DMD: variants seen among roughly 807,000 people sequenced by gnomAD.
DMD encodes dystrophin, also known as mutant dystrophin.
Under a neutral mutation model 330.1 loss-of-function variants are expected in DMD, and 63 were observed. The ratio of observed to expected loss-of-function variants is 0.19; its 90% CI spans 0.16 to 0.24. The LOEUF (loss-of-function observed/expected upper bound fraction) is 0.24. Among genes scored for constraint, DMD ranks in the 10% least tolerant of loss-of-function variants. The pLI is 1.00. For synonymous variants in DMD, 1,223 were observed against 959.8 expected, an observed-to-expected ratio of 1.27 and a Z score of -5.07; for missense variants, 3,344 against 2,684.1, an observed-to-expected ratio of 1.25 and a Z score of -5.43.
Position 32,448,391 on chromosome X carries a change from C to T in DMD, c.3786+65G>A. 8 of 1,142,340 alleles carry T rather than the reference C, an allele frequency of 7.0e-6. No homozygotes were observed. In the Admixed American group the frequency reaches 1.8e-4, roughly 25 times the overall value. 94.1% of individuals were successfully genotyped at this position (1,142,340 alleles called of 1,213,427 possible). On this transcript the variant is annotated intron_variant, in intron 27 of 78. Coordinates refer to ENST00000357033, the MANE Select transcript of DMD (RefSeq NM_004006.3). ...TTGCACTGGTATCCATGTTCTTAAC[C>T]ACTATGCCTCACATATGACCATGTA...
At chrX:32,302,843 A>G (rs1185250206) in intron 42 of DMD, among the ~76,000 whole-genome samples, 1 of 111,045 alleles carries the variant, frequency 9.0e-6, no homozygotes, top group Non-Finnish European at 1.9e-5. Flanking sequence ...GGCAGTTATT[A>G]TCACTGATTT....
intron 44 of DMD, among the ~76,000 whole-genome samples, chrX:32,015,992 C>T (rs937506864): frequency 8.9e-6 from 1 of 111,792 alleles, no homozygotes; most frequent in Non-Finnish European, 1.9e-5. Context: ...CCAACCCTCC[C>T]GCTGGCCTGA....
At chrX:32,517,931 G>A in intron 18 of DMD, 77 bp downstream of exon 18, 1 of 1,031,415 alleles carries the variant, frequency 9.7e-7, no homozygotes, top group Non-Finnish European at 1.4e-6. Flanking sequence ...TCAACTAGTA[G>A]AATCACAGAT....
At chrX:33,053,575 G>A (rs1036289228) in intron 1 of DMD, among the ~76,000 whole-genome samples, 4 of 109,836 alleles carry the variant, frequency 3.6e-5, no homozygotes, top group Non-Finnish European at 5.7e-5. Context: ...CAGCCTGGGT[G>A]ACAGAGCAAG....
At chrX:31,720,721 T>C (rs73617102) in intron 52 of DMD, among the ~76,000 whole-genome samples, 19,669 of 110,919 alleles carry the variant, frequency 0.18, 1,351 homozygotes, top group Middle Eastern at 0.25. Context: ...AACCCAGATC[T>C]TTCCCCTTAA....
rs147771206 is a variant in DMD at position 31,434,715 on chromosome X, C to T, written c.9084+9766G>A. Among the ~76,000 whole-genome samples, 982 of 111,181 alleles carry T rather than the reference C, an allele frequency of 8.8e-3. 9 individuals are homozygous for T. The highest frequency in any genetic ancestry group is 0.03 in the African/African-American group (919 of 30,612). On this transcript the variant is annotated intron_variant, in intron 60 of 78. Transcript: ENST00000357033. The stretch of plus-strand genomic sequence containing the variant: ...GATTGAACAAAGGAGGATTTCCGTT[C>T]ACTTCAGCAAGACTTTGATGATTCA...
intron 67 of DMD, among the ~76,000 whole-genome samples, chrX:31,186,162 G>GT (rs1274749346): frequency 1.8e-5 from 2 of 111,941 alleles, no homozygotes; most frequent in Admixed American, 9.5e-5. Flanking sequence ...ATAATAAACT[G>GT]TTTAACTTTG....
chrX:31,149,756 T>C (rs2037168674), intron 74 of DMD, among the ~76,000 whole-genome samples: 1 of 112,083 alleles, frequency 8.9e-6, no homozygotes, highest in Non-Finnish European at 1.9e-5. Flanking sequence ...ATACCAAAAG[T>C]TTTTATATAC....
chrX:31,785,497 C>T (rs955453079), intron 50 of DMD, among the ~76,000 whole-genome samples: 2 of 111,691 alleles, frequency 1.8e-5, no homozygotes, highest in Non-Finnish European at 3.8e-5. Flanking sequence ...GATACATGTG[C>T]AGAATGTACA....
intron 1 of DMD, among the ~76,000 whole-genome samples, chrX:33,057,651 T>C (rs915530164): frequency 1.8e-5 from 2 of 111,460 alleles, no homozygotes; most frequent in Non-Finnish European, 3.8e-5. Flanking sequence ...TCTTTCCCAA[T>C]TCACACTATA....
At chrX:31,416,649 G>C (rs145941802) in intron 60 of DMD, among the ~76,000 whole-genome samples, 1 of 112,186 alleles carries the variant, frequency 8.9e-6, no homozygotes, top group Admixed American at 9.5e-5. Context: ...AACAAATGTT[G>C]GTTAACGACA....
At chrX:31,140,248 C>T (rs943269674) in intron 76 of DMD, among the ~76,000 whole-genome samples, 2 of 112,644 alleles carry the variant, frequency 1.8e-5, no homozygotes, top group Admixed American at 9.4e-5. Context: ...CCAGAACCTA[C>T]GCAGCCTATG....
intron 44 of DMD, among the ~76,000 whole-genome samples, chrX:32,213,888 T>C (rs932030766): frequency 4.6e-5 from 5 of 109,813 alleles, no homozygotes; most frequent in Admixed American, 9.7e-5. Flanking sequence ...GCAGGAGAAT[T>C]GCTTGAAGCC....
chrX:31,585,804 A>C (rs911070209), intron 55 of DMD, among the ~76,000 whole-genome samples: 3 of 111,808 alleles, frequency 2.7e-5, no homozygotes, highest in Non-Finnish European at 5.6e-5. Context: ...TTTGATAGAA[A>C]TGCAAATTAT....
At chrX:32,883,846 A>AAAAAAGAAAAG (rs2084252921) in intron 2 of DMD, among the ~76,000 whole-genome samples, 2 of 101,965 alleles carry the variant, frequency 2.0e-5, no homozygotes, top group Admixed American at 1.1e-4. Flanking sequence ...AAAAAAAAAA[A>AAAAAAGAAAAG]AAAAAGAAAA....
chrX:32,729,355 A>G (rs1352106985), intron 7 of DMD, among the ~76,000 whole-genome samples: 3 of 112,092 alleles, frequency 2.7e-5, no homozygotes, highest in Non-Finnish European at 5.6e-5. Context: ...GAAAGCTAAC[A>G]TTGCCCAATA....
At chrX:32,090,652 A>T (rs73454099) in intron 44 of DMD, among the ~76,000 whole-genome samples, 5,640 of 111,701 alleles carry the variant, frequency 0.05, 336 homozygotes, top group African/African-American at 0.16. Flanking sequence ...TCTAACCATG[A>T]GATAAGTTTC....
At chrX:32,699,050 A>T in intron 8 of DMD, 62 bp downstream of exon 8, 2 of 1,005,535 alleles carry the variant, frequency 2.0e-6, no homozygotes, top group African/African-American at 3.7e-5. Context: ...TGCACGTAAT[A>T]CCTAAAAATG....
chrX:32,644,223 C>G lies in DMD; in HGVS notation c.1240G>C (p.Glu414Gln). 1 of 1,210,754 alleles carries G rather than the reference C, an allele frequency of 8.3e-7. No individual in the cohort carries two copies. The highest frequency in any genetic ancestry group is 1.1e-6 in the Non-Finnish European group (1 of 894,678). Residue 414 changes from glutamate (E) to glutamine (Q), a missense_variant, in exon 11 of 79, where the codon GAA (glutamate) becomes CAA (glutamine). Physicochemically the swap from Glu to Gln is conservative, Grantham distance 29. Transcript: ENST00000357033. ...TCTTGTACTTCAGTTTCTTCATCTT[C>G]TGATAATTTTCCTGTTCCAATCAGC... ...SKLIGTGKLS[E>Q]DEETEVQEQM... is the part of the protein sequence containing the mutation.
Sources: allele counts gnomAD v4.1 joint callset (sites outside exome capture counted in the v4.1 genomes callset), GRCh38; gene constraint gnomAD v4.1.1; transcripts MANE v1.5; gene names NCBI Gene and HGNC (gene_info 2026-07-23, HGNC 2026-07-21).